SRPK2: variants seen among roughly 807,000 people sequenced by gnomAD.
SRPK2 encodes the protein SRSF protein kinase 2.
In SRPK2, 21 loss-of-function variants were observed where a neutral mutation model predicts 90.8. That is an observed-to-expected ratio of 0.23 (90% CI 0.16 to 0.33). The LOEUF (loss-of-function observed/expected upper bound fraction) is 0.33, where lower values mean the gene tolerates loss of function less well. SRPK2 is among the 10% of genes least tolerant of loss of function. The pLI, the probability that SRPK2 is intolerant of heterozygous loss-of-function variation, is 1.00. For synonymous variants in SRPK2, 288 were observed against 311.1 expected (o/e 0.93, Z 0.78); for missense variants, 620 against 869.0 (o/e 0.71, Z 3.60).
chr7:105,314,156 C>A (rs1585666895), intron 2 of SRPK2, among the ~76,000 whole-genome samples: 1 of 151,862 alleles, frequency 6.6e-6, no homozygotes, highest in African/African-American at 2.4e-5. Context: ...CATGGTGAAA[C>A]CCCGTCTCTA....
intron 11 of SRPK2, among the ~76,000 whole-genome samples, chr7:105,140,445 A>T (rs772318471): frequency 3.9e-5 from 6 of 151,956 alleles, no homozygotes; most frequent in Non-Finnish European, 7.4e-5. Flanking sequence ...TACTAAAAAT[A>T]TAAAAATTAG....
chr7:105,323,351 G>C (rs953618868), intron 2 of SRPK2, among the ~76,000 whole-genome samples: 2 of 152,086 alleles, frequency 1.3e-5, no homozygotes, highest in Non-Finnish European at 1.5e-5. Context: ...GCAAACCCAA[G>C]CAGTGGCAAA....
At chr7:105,235,542 AAT>A (rs1252837570) in intron 2 of SRPK2, among the ~76,000 whole-genome samples, 1 of 152,128 alleles carries the variant, frequency 6.6e-6, no homozygotes, top group Non-Finnish European at 1.5e-5. Context: ...CCAAGTCAAA[AAT>A]AACTACTCAT....
chr7:105,224,775 T>C (rs957291594), intron 2 of SRPK2, among the ~76,000 whole-genome samples: 3 of 152,212 alleles, frequency 2.0e-5, no homozygotes, highest in African/African-American at 7.2e-5. Flanking sequence ...AAATACATCA[T>C]GAAATTCATT....
intron 3 of SRPK2, among the ~76,000 whole-genome samples, chr7:105,181,967 G>A (rs907785747): frequency 3.3e-5 from 5 of 150,480 alleles, no homozygotes; most frequent in African/African-American, 4.9e-5. Context: ...GGGGGCTCAC[G>A]CCTGTAATCC....
intron 2 of SRPK2, among the ~76,000 whole-genome samples, chr7:105,361,844 A>G (rs1818461534): frequency 6.6e-6 from 1 of 152,218 alleles, no homozygotes; most frequent in Non-Finnish European, 1.5e-5. Flanking sequence ...TTTAAGACTT[A>G]AATGTTAGAC....
At chr7:105,303,647 C>A (rs1810829365) in intron 2 of SRPK2, among the ~76,000 whole-genome samples, 1 of 151,950 alleles carries the variant, frequency 6.6e-6, no homozygotes, top group African/African-American at 2.4e-5. Flanking sequence ...CAGCATTATA[C>A]ACTGAAAAAA....
intron 2 of SRPK2, among the ~76,000 whole-genome samples, chr7:105,274,569 A>G (rs1806239394): frequency 6.6e-6 from 1 of 152,034 alleles, no homozygotes; most frequent in African/African-American, 2.4e-5. Context: ...CTCAAAAAAA[A>G]AAGTATAAAA....
At chr7:105,386,138 C>A (rs994555979) in intron 2 of SRPK2, among the ~76,000 whole-genome samples, 1 of 151,558 alleles carries the variant, frequency 6.6e-6, no homozygotes, top group African/African-American at 2.4e-5. Context: ...CACGGTGAAA[C>A]CCCACCTCTA....
In SRPK2 at chr7:105,388,915, C is replaced by G. The variant is rs1172303736; in HGVS notation, c.-109G>C. The stretch of plus-strand genomic sequence containing the variant: ...CCGCCGGCCGGGAGGAGACGAGAAC[C>G]GCGCCTGCGCCGCCGCCGCCGCCGC... On this transcript the variant is annotated 5_prime_UTR_variant, in exon 1 of 16. Transcript: ENST00000393651. 8.2e-7 allele frequency: 1 copy of G among 1,213,638 alleles called. No individual in the cohort carries two copies. Among genetic ancestry groups the G allele is most frequent in the African/African-American group, 1.6e-5 (1 of 62,454 alleles). The allele number at this position is 1,213,638 out of a possible 1,614,324, so 75.2% of individuals were successfully genotyped here.
chr7:105,131,278 A>G (rs1302971673), intron 13 of SRPK2, among the ~76,000 whole-genome samples: 1 of 152,042 alleles, frequency 6.6e-6, no homozygotes, highest in African/African-American at 2.4e-5. Flanking sequence ...ACTCCCACTC[A>G]GTGTCTCCGC....
chr7:105,140,338 G>C (rs1229076897), intron 11 of SRPK2, among the ~76,000 whole-genome samples: 1 of 152,184 alleles, frequency 6.6e-6, no homozygotes, highest in African/African-American at 2.4e-5. Flanking sequence ...TGGTGGCTCA[G>C]GCTCGTAATC....
At chr7:105,153,412 T>C (rs1806024599) in intron 7 of SRPK2, among the ~76,000 whole-genome samples, 1 of 152,166 alleles carries the variant, frequency 6.6e-6, no homozygotes, top group South Asian at 2.1e-4. Context: ...TACATCAACA[T>C]TTGTGTCAGA....
In SRPK2 at chr7:105,203,794, G is replaced by A. The variant is rs1795862022; in HGVS notation, c.72-9C>T. 1 of 1,564,230 alleles carries A rather than the reference G, an allele frequency of 6.4e-7. No individual in the cohort carries two copies. Among genetic ancestry groups the A allele is most frequent in the Admixed American group, 1.9e-5 (1 of 51,980 alleles). On this transcript the variant is annotated splice_polypyrimidine_tract_variant and intron_variant, in intron 2 of 15. Transcript: ENST00000393651. ...TCTGTTGAGGCTCCGGCCTGAAAGA[G>A]CAGAGAGAAAATTGCTATTTACTTA...
intron 2 of SRPK2, among the ~76,000 whole-genome samples, chr7:105,361,130 G>C (rs1563286177): frequency 6.6e-6 from 1 of 152,090 alleles, no homozygotes; most frequent in Non-Finnish European, 1.5e-5. Flanking sequence ...CTTCAGCAAA[G>C]TCTCAGTCAA....
chr7:105,195,102 T>C (rs188054002), intron 3 of SRPK2, among the ~76,000 whole-genome samples: 1 of 152,204 alleles, frequency 6.6e-6, no homozygotes, highest in South Asian at 2.1e-4. Flanking sequence ...CAGGCTGGAG[T>C]GCAGTGGCGC....
rs3735370 is a variant in SRPK2 at position 105,301,885 on chromosome 7, A to G, written c.71+86763T>C. On this transcript the variant is annotated intron_variant, in intron 2 of 15. Coordinates refer to ENST00000393651, the MANE Select transcript of SRPK2 (RefSeq NM_182692.3). ...ATCACAATCCCATTAATTCCACAAC[A>G]TCGATAAGCAATATCATCTCAATTG... The G allele has an allele frequency of 3.2e-3, 5,104 of 1,597,794 alleles. 124 individuals carry two copies. In the East Asian group the frequency reaches 0.057, roughly 18 times the overall value.
upstream of SRPK2, chr7:105,388,975 T>TCCGGCCCCGCC: frequency 2.9e-6 from 3 of 1,031,152 alleles, no homozygotes; most frequent in Non-Finnish European, 2.3e-6. Flanking sequence ...CCCGCCCCCG[T>TCCGGCCCCGCC]CCGGCCCCGC....
chr7:105,306,633 G>A (rs1811177242), intron 2 of SRPK2: 1 of 374,152 alleles, frequency 2.7e-6, no homozygotes, highest in Non-Finnish European at 5.2e-6. Context: ...TCCTCTCGTT[G>A]GCAAGATGCC....
Sources: gnomAD v4.1 joint callset for allele counts (sites outside exome capture counted in the v4.1 genomes callset) on GRCh38, gnomAD v4.1.1 for gene constraint, MANE v1.5 for transcripts, NCBI Gene and HGNC (gene_info 2026-07-23, HGNC 2026-07-21) for gene names.